Variants in SMC6 observed in about 807,000 individuals in gnomAD.
The protein encoded by SMC6 is structural maintenance of chromosomes 6.
In SMC6, 79 loss-of-function variants were observed where a neutral mutation model predicts 142.2. The observed-to-expected ratio is 0.56, with a 90% confidence interval of 0.46 to 0.67. The LOEUF is 0.67. SMC6 is among the 30% of genes least tolerant of loss of function. The pLI, the probability that SMC6 is intolerant of heterozygous loss-of-function variation, is 0.00. For missense variants in SMC6, 1,072 were observed against 1,284.0 expected, an observed-to-expected ratio of 0.83 and a Z score of 2.52; for synonymous variants, 411 against 412.4, an observed-to-expected ratio of 1.00 and a Z score of 0.04.
chr2:17,736,688 G>C (rs894771753), intron 5 of SMC6, among the ~76,000 whole-genome samples: 14 of 151,012 alleles, frequency 9.3e-5, no homozygotes, highest in African/African-American at 3.2e-4. Flanking sequence ...AGGAGTTCGA[G>C]GCCAGGCCCC....
rs1669106955 is a variant in SMC6 at position 17,716,782 on chromosome 2, C to T, written c.1305G>A (p.Gln435=). The T allele has an allele frequency of 1.2e-6, 2 of 1,613,412 alleles. No individual in the cohort carries two copies. Among genetic ancestry groups the T allele is most frequent in the Non-Finnish European group, 1.7e-6 (2 of 1,179,728 alleles). The change falls in exon 14 of 28, where the codon CAG becomes CAA. Residue 435 remains glutamine (Q), a synonymous_variant. Coordinates refer to ENST00000448223, the MANE Select transcript of SMC6 (RefSeq NM_001142286.2). Reference sequence around the variant, plus strand: ...CTTCTTTGTCCTTTTCTATGGCTTGCTGAAACTGTTCGATCTCTTGATTGA... The same window carrying T: ...CTTCTTTGTCCTTTTCTATGGCTTGTTGAAACTGTTCGATCTCTTGATTGA... ...NSVNQEIEQF[Q]QAIEKDKEEH... is the part of the protein sequence containing the mutation.
chr2:17,718,063 A>G lies in SMC6; in HGVS notation c.1092+14T>C, dbSNP rs747815333. The stretch of plus-strand genomic sequence containing the variant: ...TGTGGCTTTTAAAATTCCAGTTTAG[A>G]AAATTTATCTCACCTCAGCTTCATT... On this transcript the variant is annotated intron_variant, in intron 12 of 27. Transcript: ENST00000448223. The G allele has an allele frequency of 6.3e-7, 1 of 1,586,874 alleles. No homozygotes were observed. Among genetic ancestry groups the G allele is most frequent in the Non-Finnish European group, 8.5e-7 (1 of 1,169,972 alleles).
intron 7 of SMC6, among the ~76,000 whole-genome samples, chr2:17,727,133 G>GT (rs1669666909): frequency 6.6e-6 from 1 of 152,176 alleles, no homozygotes; most frequent in African/African-American, 2.4e-5. Context: ...TTATTACTGA[G>GT]TGTAAACCTG....
At chr2:17,690,308 CTGTGG>C (rs1414615461) in intron 23 of SMC6, among the ~76,000 whole-genome samples, 4 of 152,088 alleles carry the variant, frequency 2.6e-5, no homozygotes, top group Admixed American at 2.6e-4. Context: ...AAACAACTGC[CTGTGG>C]CCAGGTGTGG....
chr2:17,699,310 T>C (rs1055987742), intron 21 of SMC6, among the ~76,000 whole-genome samples: 10 of 152,132 alleles, frequency 6.6e-5, no homozygotes, highest in Non-Finnish European at 7.4e-5. Flanking sequence ...TGGTTTCTGA[T>C]GAGAAATATG....
In SMC6 at chr2:17,731,866, A is replaced by C; in HGVS notation, c.356T>G (p.Ile119Ser). The C allele has an allele frequency of 6.2e-7, 1 of 1,613,294 alleles. No individual in the cohort carries two copies. The highest frequency in any genetic ancestry group is 8.5e-7 in the Non-Finnish European group (1 of 1,179,570). The change falls in exon 6 of 28, where the codon ATC becomes AGC. Residue 119 changes from isoleucine to serine, a missense_variant. Transcript: ENST00000448223. ...TCCTCTGTTCCTCAATGTTATTGAG[A>C]TATCTGCAGAGCTGAAAGAATGAGG... Reference protein sequence around the residue: ...FVKDGQNSADISITLRNRGDD... With the variant: ...FVKDGQNSADSSITLRNRGDD...
chr2:17,667,970 CT>C (rs1666578721), intron 26 of SMC6, among the ~76,000 whole-genome samples: 1 of 152,182 alleles, frequency 6.6e-6, no homozygotes, highest in Admixed American at 6.5e-5. Flanking sequence ...CTCAATGGCT[CT>C]GATTATAACA....
chr2:17,733,736 G>A (rs933971395), intron 5 of SMC6, among the ~76,000 whole-genome samples: 1 of 152,164 alleles, frequency 6.6e-6, no homozygotes, highest in African/African-American at 2.4e-5. Flanking sequence ...AAATAGAAAA[G>A]TCTGAATAGA....
chr2:17,710,442 C>G (rs1231793086), intron 16 of SMC6, among the ~76,000 whole-genome samples: 2 of 151,972 alleles, frequency 1.3e-5, no homozygotes, highest in Non-Finnish European at 2.9e-5. Flanking sequence ...AAAAGGCAAC[C>G]TACAAACACA....
intron 7 of SMC6, among the ~76,000 whole-genome samples, chr2:17,730,398 GAAA>G (rs199786807): frequency 9.3e-6 from 1 of 107,888 alleles, no homozygotes. Flanking sequence ...CACTCATCCA[GAAA>G]AAAAAAAAAA....
At position 17,752,245 on chromosome 2, in the gene SMC6, T is replaced by C. The variant is rs918037354; in HGVS notation, c.-6+733A>G. ...TATGAAATGGTGTCATATTTGCATA[T>C]AACCTCCCCACATACTTAAAAGTTA... On this transcript the variant is annotated intron_variant, in intron 2 of 27. Coordinates refer to ENST00000448223, the MANE Select transcript of SMC6 (RefSeq NM_001142286.2). 3.9e-5 allele frequency among the ~76,000 whole-genome samples: 6 copies of C among 152,192 alleles called. No individual in the cohort carries two copies. In the South Asian group the frequency reaches 6.2e-4, roughly 16 times the overall value.
intron 23 of SMC6, among the ~76,000 whole-genome samples, chr2:17,690,926 G>A (rs1667679813): frequency 6.6e-6 from 1 of 151,554 alleles, no homozygotes; most frequent in South Asian, 2.1e-4. Flanking sequence ...TCCCTATAAA[G>A]GGAAATCTGA....
intron 2 of SMC6, among the ~76,000 whole-genome samples, chr2:17,750,692 T>A (rs1315313656): frequency 6.6e-6 from 1 of 152,062 alleles, no homozygotes; most frequent in East Asian, 1.9e-4. Flanking sequence ...CTATCCTTCA[T>A]TAAACTTAAA....
At chr2:17,737,225 A>T (rs1670201016) in intron 5 of SMC6, among the ~76,000 whole-genome samples, 1 of 152,172 alleles carries the variant, frequency 6.6e-6, no homozygotes, top group Admixed American at 6.5e-5. Flanking sequence ...ATACATAAGA[A>T]ATTTGCAGGC....
At chr2:17,730,714 T>C (rs1480658125) in intron 7 of SMC6, among the ~76,000 whole-genome samples, 1 of 151,740 alleles carries the variant, frequency 6.6e-6, no homozygotes, top group Non-Finnish European at 1.5e-5. Context: ...GTGATTCTCC[T>C]GCCTCAGCCT....
At chr2:17,700,796 C>T (rs1022357122) in intron 20 of SMC6, among the ~76,000 whole-genome samples, 1 of 151,976 alleles carries the variant, frequency 6.6e-6, no homozygotes, top group African/African-American at 2.4e-5. Flanking sequence ...CTTTGGGAGG[C>T]CGACACGGGT....
intron 16 of SMC6, among the ~76,000 whole-genome samples, chr2:17,712,245 C>G (rs1194639818): frequency 6.6e-6 from 1 of 152,200 alleles, no homozygotes; most frequent in Non-Finnish European, 1.5e-5. Flanking sequence ...TGAATGCAGT[C>G]TCCCCTAGGA....
At chr2:17,726,708 C>T (rs1211626691) in intron 7 of SMC6, among the ~76,000 whole-genome samples, 1 of 152,038 alleles carries the variant, frequency 6.6e-6, no homozygotes, top group Non-Finnish European at 1.5e-5. Flanking sequence ...AATATTCTAC[C>T]AGTACATGAG....
chr2:17,714,708 C>T (rs2344691), intron 16 of SMC6, among the ~76,000 whole-genome samples, 153 bp downstream of exon 16: 118,776 of 152,146 alleles, frequency 0.78, 48,093 homozygotes, highest in Middle Eastern at 0.92. Context: ...CTCTAATGCC[C>T]AGAACTAATA....
Sources: allele counts gnomAD v4.1 joint callset (sites outside exome capture counted in the v4.1 genomes callset), GRCh38; gene constraint gnomAD v4.1.1; transcripts MANE v1.5; gene names NCBI Gene and HGNC (gene_info 2026-07-23, HGNC 2026-07-21).